Variants in SLCO2A1 observed in about 807,000 individuals in gnomAD.
The protein encoded by SLCO2A1 is matrin F/G 1.
In SLCO2A1, 60 loss-of-function variants were observed where a neutral mutation model predicts 71.7. The observed-to-expected ratio is 0.84, with a 90% CI of 0.68 to 1.04. The LOEUF (loss-of-function observed/expected upper bound fraction) is 1.04. SLCO2A1 is among the 50% of genes least tolerant of loss of function. The pLI is 0.00. For synonymous variants in SLCO2A1, 308 were observed against 326.7 expected (o/e 0.94, Z 0.62); for missense variants, 745 against 813.4 (o/e 0.92, Z 1.02).
chr3:134,023,106 TGCTGTTCATACA>T (rs1935623449), intron 1 of SLCO2A1, among the ~76,000 whole-genome samples: 3 of 149,392 alleles, frequency 2.0e-5, no homozygotes, highest in African/African-American at 7.4e-5. Context: ...CCAACAAGAC[TGCTGTTCATACA>T]GCAAAACAAA....
At chr3:134,015,229 A>T (rs775922761) in intron 1 of SLCO2A1, among the ~76,000 whole-genome samples, 34 of 152,260 alleles carry the variant, frequency 2.2e-4, no homozygotes, top group Non-Finnish European at 4.3e-4. Context: ...AAAATGTGGC[A>T]TGTATACATA....
At chr3:133,954,153 CTTTTTTTTTT>C (rs60871049) in intron 4 of SLCO2A1, among the ~76,000 whole-genome samples, 23 of 60,918 alleles carry the variant, frequency 3.8e-4, no homozygotes, top group Non-Finnish European at 6.3e-4. Context: ...GTGGTGTGTT[CTTTTTTTTTT>C]TTTTTTTTTT....
chr3:133,976,362 G>A (rs1057057554), intron 2 of SLCO2A1, among the ~76,000 whole-genome samples: 3 of 152,212 alleles, frequency 2.0e-5, no homozygotes, highest in East Asian at 1.9e-4. Flanking sequence ...TGTGCTGACT[G>A]TGGCTGACTT....
At chr3:134,004,089 T>C (rs910359527) in intron 1 of SLCO2A1, among the ~76,000 whole-genome samples, 10 of 145,062 alleles carry the variant, frequency 6.9e-5, no homozygotes, top group African/African-American at 2.6e-4. Flanking sequence ...GTAATGAATC[T>C]CTTCGTGTGT....
intron 1 of SLCO2A1, among the ~76,000 whole-genome samples, chr3:134,021,041 G>A (rs1219149996): frequency 6.6e-6 from 1 of 152,220 alleles, no homozygotes; most frequent in Non-Finnish European, 1.5e-5. Flanking sequence ...TTTGGTTTTT[G>A]TTTTTGACTT....
chr3:133,959,697 G>A (rs772003079), intron 3 of SLCO2A1, among the ~76,000 whole-genome samples: 47 of 152,064 alleles, frequency 3.1e-4, no homozygotes, highest in Admixed American at 2.0e-3. Context: ...ATGGTGGTAC[G>A]TGCCTGTAGT....
chr3:133,962,702 G>T (rs1179132767), intron 3 of SLCO2A1, among the ~76,000 whole-genome samples: 2 of 152,172 alleles, frequency 1.3e-5, no homozygotes, highest in Non-Finnish European at 2.9e-5. Context: ...TCATTGCTTC[G>T]CAAGCACTCT....
At chr3:134,023,038 G>T (rs1223933731) in intron 1 of SLCO2A1, among the ~76,000 whole-genome samples, 2 of 152,160 alleles carry the variant, frequency 1.3e-5, no homozygotes, top group African/African-American at 4.8e-5. Context: ...TCTCATCAAA[G>T]GGTGGAAAGA....
At chr3:133,984,193 G>A (rs909292538) in intron 1 of SLCO2A1, among the ~76,000 whole-genome samples, 4 of 152,176 alleles carry the variant, frequency 2.6e-5, no homozygotes, top group Non-Finnish European at 5.9e-5. Flanking sequence ...GAGGAAATTT[G>A]TCTCAGATCT....
At chr3:133,951,185 G>A (rs750975812) in intron 6 of SLCO2A1, 23 bp downstream of exon 6, 1 of 1,613,824 alleles carries the variant, frequency 6.2e-7, no homozygotes, top group East Asian at 2.2e-5. Context: ...ATCAGGTAGA[G>A]TCATGGGCTC....
chr3:134,028,137 G>A (rs532316275), intron 1 of SLCO2A1, among the ~76,000 whole-genome samples: 8 of 152,220 alleles, frequency 5.3e-5, no homozygotes, highest in Admixed American at 3.9e-4. Flanking sequence ...GGGTCTAAAC[G>A]GATCAGTCTC....
chr3:133,993,637 C>G (rs1934901747), intron 1 of SLCO2A1, among the ~76,000 whole-genome samples: 1 of 152,054 alleles, frequency 6.6e-6, no homozygotes, highest in South Asian at 2.1e-4. Flanking sequence ...TTTAGAAATT[C>G]TCCAATTAAT....
At chr3:133,977,751 G>A (rs1430110375) in intron 2 of SLCO2A1, among the ~76,000 whole-genome samples, 1 of 152,140 alleles carries the variant, frequency 6.6e-6, no homozygotes, top group Non-Finnish European at 1.5e-5. Flanking sequence ...CATGAGTGAG[G>A]ACAACATGTG....
At chr3:133,944,093 A>G (rs570042660) in intron 10 of SLCO2A1, among the ~76,000 whole-genome samples, 6 of 152,154 alleles carry the variant, frequency 3.9e-5, no homozygotes, top group Non-Finnish European at 8.8e-5. Context: ...CAGCATGCCC[A>G]GTACATTCAT....
chr3:134,020,335 AT>A (rs1935547008), intron 1 of SLCO2A1, among the ~76,000 whole-genome samples: 1 of 152,034 alleles, frequency 6.6e-6, no homozygotes, highest in Non-Finnish European at 1.5e-5. Flanking sequence ...ATTCTGCTAC[AT>A]TTCTTGGTTC....
At position 133,948,647 on chromosome 3, in the gene SLCO2A1, C is replaced by T. The variant is rs1933650040; in HGVS notation, c.994G>A (p.Val332Ile). Residue 332 changes from valine to isoleucine, a missense_variant, in exon 8 of 14, where the codon GTC becomes ATC. Transcript: ENST00000310926. ...GAGGAGAAGGTGCACTGGGCCAGGA[C>T]CACCAGGACGAAGAGTGAGTTCATC... ...LLMNSLFVLV[V>I]LAQCTFSSVI... The T allele has an allele frequency of 4.3e-6, 7 of 1,614,040 alleles. No homozygotes were observed. In the South Asian group the frequency reaches 6.6e-5, roughly 15 times the overall value.
chr3:133,942,931 GT>G (rs1354902684), intron 10 of SLCO2A1, among the ~76,000 whole-genome samples, 163 bp from the exon 11 acceptor site: 33 of 152,302 alleles, frequency 2.2e-4, no homozygotes, highest in African/African-American at 7.9e-4. Flanking sequence ...CCAGGTGAGG[GT>G]TTCAAGCTGC....
At chr3:133,966,952 C>A (rs1934193739) in intron 3 of SLCO2A1, among the ~76,000 whole-genome samples, 1 of 152,162 alleles carries the variant, frequency 6.6e-6, no homozygotes, top group African/African-American at 2.4e-5. Flanking sequence ...TTCTGTGGGG[C>A]TTTCCCTCAT....
At chr3:134,018,650 C>G (rs1935511027) in intron 1 of SLCO2A1, among the ~76,000 whole-genome samples, 1 of 152,128 alleles carries the variant, frequency 6.6e-6, no homozygotes, top group Non-Finnish European at 1.5e-5. Context: ...CAGTCATCAA[C>G]CACTCCTTCT....
Sources: gnomAD v4.1 joint callset for allele counts (sites outside exome capture counted in the v4.1 genomes callset) on GRCh38, gnomAD v4.1.1 for gene constraint, MANE v1.5 for transcripts, NCBI Gene and HGNC (gene_info 2026-07-23, HGNC 2026-07-21) for gene names.